Variants in PVT1 observed in about 807,000 individuals in gnomAD.
The protein encoded by PVT1 is Pvt1 oncogene.
At chr8:127,881,106 C>T (rs1435894457) in intron 2 of PVT1, among the ~76,000 whole-genome samples, 4 of 152,238 alleles carry the variant, frequency 2.6e-5, no homozygotes, top group South Asian at 4.1e-4. Flanking sequence ...CTGCTTGCCT[C>T]CTCCTTGTGG....
intron 4 of PVT1, among the ~76,000 whole-genome samples, chr8:128,007,479 A>G (rs1817261115): frequency 6.6e-6 from 1 of 152,194 alleles, no homozygotes. Flanking sequence ...ATGTACTAAT[A>G]TGGGATGGTG....
chr8:127,881,924 G>T (rs1450973187), intron 2 of PVT1, among the ~76,000 whole-genome samples: 1 of 152,136 alleles, frequency 6.6e-6, no homozygotes, highest in Non-Finnish European at 1.5e-5. Context: ...ATTTTTTGTA[G>T]AGATATGGTT....
chr8:128,089,312 C>T (rs1430114885), intron 5 of PVT1, among the ~76,000 whole-genome samples: 2 of 152,094 alleles, frequency 1.3e-5, no homozygotes, highest in Non-Finnish European at 2.9e-5. Flanking sequence ...TAAATGATTG[C>T]TTTTTTGCAG....
At chr8:128,018,481 C>T (rs1457504841) in intron 4 of PVT1, among the ~76,000 whole-genome samples, 1 of 152,164 alleles carries the variant, frequency 6.6e-6, no homozygotes, top group African/African-American at 2.4e-5. Flanking sequence ...ATGTGTAATG[C>T]CATTCTGTGT....
At chr8:127,831,002 C>A (rs986913293) in intron 2 of PVT1, among the ~76,000 whole-genome samples, 5 of 151,364 alleles carry the variant, frequency 3.3e-5, no homozygotes, top group Non-Finnish European at 7.4e-5. Context: ...ACCTTGTGAT[C>A]GTATAAGTTA....
At chr8:127,797,755 T>A (rs1443428028) in intron 2 of PVT1, among the ~76,000 whole-genome samples, 3 of 152,246 alleles carry the variant, frequency 2.0e-5, no homozygotes, top group Non-Finnish European at 4.4e-5. Flanking sequence ...TATAATGAAA[T>A]GTCTAGCAAT....
chr8:127,818,767 G>A (rs7818619), intron 2 of PVT1, among the ~76,000 whole-genome samples: 5,112 of 152,230 alleles, frequency 0.034, 90 homozygotes, highest in Middle Eastern at 0.037. Context: ...TAGAAAATAA[G>A]TGGTACTCAC....
intron 4 of PVT1, among the ~76,000 whole-genome samples, chr8:128,033,381 T>C (rs553671893): frequency 1.3e-4 from 20 of 152,156 alleles, no homozygotes; most frequent in Non-Finnish European, 2.4e-4. Context: ...GTCAGACTTA[T>C]GTGACTCTTG....
At chr8:127,963,620 C>T (rs1434296990) in intron 3 of PVT1, among the ~76,000 whole-genome samples, 2 of 151,234 alleles carry the variant, frequency 1.3e-5, no homozygotes, top group Non-Finnish European at 2.9e-5. Context: ...AATATTGAAA[C>T]CAACTTTGTA....
chr8:127,843,588 G>A lies in PVT1; in HGVS notation n.373-47001G>A, dbSNP rs529375821. Among the ~76,000 whole-genome samples the A allele has an allele frequency of 7.9e-5, 12 of 151,938 alleles. No individual in the cohort carries two copies. In the East Asian group the frequency reaches 1.8e-3, roughly 22 times the overall value. ...CTCTTGAGTAGCTGGGACTACAGGCGCCCGCCACCACGACCGGCTAATTTT... is the reference window on the plus strand; with the variant it reads ...CTCTTGAGTAGCTGGGACTACAGGCACCCGCCACCACGACCGGCTAATTTT... On this transcript the variant is annotated intron_variant and non_coding_transcript_variant, in intron 2 of 10. Coordinates refer to ENST00000651587, the Ensembl canonical transcript of PVT1.
At chr8:127,821,535 G>A (rs1814728656) in intron 2 of PVT1, among the ~76,000 whole-genome samples, 1 of 152,152 alleles carries the variant, frequency 6.6e-6, no homozygotes, top group Non-Finnish European at 1.5e-5. Flanking sequence ...TTACTGCCGG[G>A]TGCGGTGGCT....
At chr8:128,098,995 G>A (rs566459306) in intron 6 of PVT1, among the ~76,000 whole-genome samples, 10 of 152,302 alleles carry the variant, frequency 6.6e-5, no homozygotes, top group East Asian at 3.9e-4. Context: ...TTAATTTCAC[G>A]AAAGTTATCT....
intron 2 of PVT1, among the ~76,000 whole-genome samples, chr8:127,832,782 C>T (rs1006002624): frequency 6.6e-5 from 10 of 151,912 alleles, no homozygotes; most frequent in East Asian, 1.9e-4. Flanking sequence ...GGTGTGAACC[C>T]GGGAGGCGGA....
At chr8:127,826,969 T>TTTC (rs1448890311) in intron 2 of PVT1, among the ~76,000 whole-genome samples, 1 of 149,292 alleles carries the variant, frequency 6.7e-6, no homozygotes, top group African/African-American at 2.5e-5. Context: ...GCCACAGGGC[T>TTTC]TTCTTTTTCT....
At chr8:128,041,453 C>T (rs1470362631) in intron 4 of PVT1, among the ~76,000 whole-genome samples, 2 of 142,386 alleles carry the variant, frequency 1.4e-5, no homozygotes, top group Non-Finnish European at 3.0e-5. Context: ...ATGTGTTTGG[C>T]GTGTATATGT....
intron 3 of PVT1, chr8:127,983,856 C>T (rs1425292558): frequency 3.3e-5 from 5 of 151,246 alleles, no homozygotes; most frequent in Admixed American, 6.6e-5. Context: ...TCTCATGTTC[C>T]CCAGTCATAC....
rs529353507 is a variant in PVT1 at position 128,021,730 on chromosome 8, G to A, written n.912+32439G>A. 1.6e-3 allele frequency among the ~76,000 whole-genome samples: 248 copies of A among 152,256 alleles called. 1 individual carries two copies. Among genetic ancestry groups the A allele is most frequent in the Middle Eastern group, 3.4e-3 (1 of 294 alleles). On this transcript the variant is annotated intron_variant and non_coding_transcript_variant, in intron 4 of 10. Coordinates refer to ENST00000651587, the Ensembl canonical transcript of PVT1. ...ATCTTAAAATAGTGCAAAAAGAACCGAATAAATACTCATTTATGTGCTATT... is the reference window on the plus strand; with the variant it reads ...ATCTTAAAATAGTGCAAAAAGAACCAAATAAATACTCATTTATGTGCTATT...
rs930964658 is a variant in PVT1, at chr8:127,804,701, TTTTC to T, written n.372+8642_372+8645del. On this transcript the variant is annotated intron_variant and non_coding_transcript_variant, in intron 2 of 10. Coordinates refer to ENST00000651587, the Ensembl canonical transcript of PVT1. ...ATGCCACCGTGCCCGGCTAAATTTT[TTTTC>T]TTTCTTTCTTTTTCTTTTTTTTTTT... 2.6e-5 allele frequency among the ~76,000 whole-genome samples: 4 copies of T among 151,042 alleles called. No homozygotes were observed. The East Asian group carries it at 7.8e-4, about 29-fold the overall frequency.
chr8:127,906,801 A>G (rs1815827970), intron 3 of PVT1, among the ~76,000 whole-genome samples: 1 of 152,146 alleles, frequency 6.6e-6, no homozygotes, highest in East Asian at 1.9e-4. Flanking sequence ...AGTGCCTACT[A>G]TGTGCCAGGA....
Sources: gnomAD v4.1 joint callset for allele counts (sites outside exome capture counted in the v4.1 genomes callset) on GRCh38, gnomAD v4.1.1 for gene constraint, MANE v1.5 for transcripts, NCBI Gene and HGNC (gene_info 2026-07-23, HGNC 2026-07-21) for gene names.